The following RFX4 variants were observed in gnomAD, a reference collection of about 807,000 sequenced individuals.
RFX4 encodes regulatory factor X4.
In RFX4, 10 loss-of-function variants were observed where a neutral mutation model predicts 95.0. The ratio of observed to expected loss-of-function variants is 0.11; its 90% confidence interval spans 0.06 to 0.18. The LOEUF is 0.18. RFX4 is among the 10% of genes least tolerant of loss of function. The pLI is 1.00. For synonymous variants in RFX4, 321 were observed against 340.7 expected, an observed-to-expected ratio of 0.94 and a Z score of 0.64; for missense variants, 640 against 922.0, an observed-to-expected ratio of 0.69 and a Z score of 3.96.
chr12:106,691,192 T>A (rs1471246486), intron 7 of RFX4, among the ~76,000 whole-genome samples: 7 of 152,140 alleles, frequency 4.6e-5, no homozygotes, highest in Non-Finnish European at 8.8e-5. Context: ...AATGAAGATT[T>A]AAAAAAATCA....
At chr12:106,750,631 T>G (rs774223526) in intron 16 of RFX4, 24 bp from the exon 17 acceptor site, 3 of 1,572,776 alleles carry the variant, frequency 1.9e-6, no homozygotes, top group Non-Finnish European at 2.6e-6. Flanking sequence ...ACTCACACTA[T>G]TCAATGTGCT....
At chr12:106,651,400 G>C (rs2040854375) in intron 3 of RFX4, among the ~76,000 whole-genome samples, 1 of 152,260 alleles carries the variant, frequency 6.6e-6, no homozygotes, top group East Asian at 1.9e-4. Context: ...GGTCAAATGA[G>C]ACCATGGATA....
rs1419254474 is a variant in RFX4, at chr12:106,621,111, CA to C, written c.130+12229del. Among the ~76,000 whole-genome samples the C allele has an allele frequency of 2.6e-5, 4 of 152,284 alleles. No homozygotes were observed. The East Asian group carries it at 7.7e-4, about 29-fold the overall frequency. ...TTACCATCAATTTGTACAGTTAACA[CA>C]GTTATCACAGTGGTCCTGAGGTGAC... On this transcript the variant is annotated intron_variant, in intron 2 of 17. Coordinates refer to ENST00000392842, the MANE Select transcript of RFX4 (RefSeq NM_213594.3).
At chr12:106,741,106 G>C (rs2042796861) in intron 15 of RFX4, among the ~76,000 whole-genome samples, 2 of 152,126 alleles carry the variant, frequency 1.3e-5, no homozygotes, top group Non-Finnish European at 2.9e-5. Context: ...ATCAGATTTT[G>C]ACCATGGAAC....
chr12:106,610,097 C>G (rs1405523544), intron 2 of RFX4, among the ~76,000 whole-genome samples: 1 of 151,882 alleles, frequency 6.6e-6, no homozygotes, highest in Admixed American at 6.6e-5. Context: ...TTAGTTGTTT[C>G]AAGTTTTTGA....
At chr12:106,640,889 T>C (rs763408185) in intron 3 of RFX4, among the ~76,000 whole-genome samples, 10 of 151,200 alleles carry the variant, frequency 6.6e-5, no homozygotes, top group Non-Finnish European at 1.3e-4. Context: ...CAAGTGATCC[T>C]CTTACCTCAG....
At chr12:106,630,353 G>T (rs1398260952) in intron 2 of RFX4, among the ~76,000 whole-genome samples, 2 of 152,340 alleles carry the variant, frequency 1.3e-5, no homozygotes, top group Admixed American at 6.5e-5. Flanking sequence ...CTCGCTCCAA[G>T]ATTATGAAGG....
At chr12:106,739,389 T>A (rs2042767773) in intron 15 of RFX4, among the ~76,000 whole-genome samples, 2 of 152,062 alleles carry the variant, frequency 1.3e-5, no homozygotes, top group South Asian at 4.1e-4. Context: ...TTTTCAGCTG[T>A]GAAAAAGGAA....
At position 106,709,320 on chromosome 12, in the gene RFX4, C is replaced by A. The variant is rs540115063; in HGVS notation, c.834-10C>A. ...GTGCAGCACTTAAAACTCATCGTTT[C>A]TTTTTCTAGCTTAACTCAGGTGATT... is the stretch of plus-strand genomic sequence containing the variant. On this transcript the variant is annotated splice_polypyrimidine_tract_variant and intron_variant, in intron 8 of 17. Coordinates refer to ENST00000392842, the MANE Select transcript of RFX4 (RefSeq NM_213594.3). 5 of 1,612,174 alleles carry A rather than the reference C, an allele frequency of 3.1e-6. No homozygotes were observed. In the East Asian group the frequency reaches 1.1e-4, roughly 36 times the overall value.
At chr12:106,613,256 C>T (rs1030130829) in intron 2 of RFX4, among the ~76,000 whole-genome samples, 1 of 131,894 alleles carries the variant, frequency 7.6e-6, no homozygotes, top group East Asian at 2.3e-4. Flanking sequence ...TTTTGTATGC[C>T]AGACCATCCT....
In RFX4 at chr12:106,640,846, T is replaced by A. The variant is rs185657584; in HGVS notation, c.191+1454T>A. On this transcript the variant is annotated intron_variant, in intron 3 of 17. Transcript: ENST00000392842. The stretch of plus-strand genomic sequence containing the variant: ...CCCAGGCTGGAGTGCTGTGGCGTGA[T>A]TTTGGCTCACTGCAACCTCTACTTT... Among the ~76,000 whole-genome samples the A allele has an allele frequency of 2.0e-5, 3 of 150,496 alleles. No individual in the cohort carries two copies. In the East Asian group the frequency reaches 5.9e-4, roughly 29 times the overall value.
At chr12:106,758,609 A>G (rs1457698127) in intron 17 of RFX4, among the ~76,000 whole-genome samples, 1 of 152,228 alleles carries the variant, frequency 6.6e-6, no homozygotes, top group Non-Finnish European at 1.5e-5. Flanking sequence ...AGAACCAGCA[A>G]GCTGAGGCCA....
chr12:106,639,200 G>A lies in RFX4; in HGVS notation c.131-132G>A, dbSNP rs1592881946. The A allele has an allele frequency of 3.4e-5, 24 of 714,762 alleles. No homozygotes were observed. In the East Asian group the frequency reaches 6.6e-4, roughly 20 times the overall value. The allele number at this position is 714,762 out of a possible 1,614,324, so 44.3% of individuals were successfully genotyped here. On this transcript the variant is annotated intron_variant, in intron 2 of 17. Coordinates refer to ENST00000392842, the MANE Select transcript of RFX4 (RefSeq NM_213594.3). ...ATGATGAGTCTAACATGTTGGAAAA[G>A]CCAAAATATTGTTTCAAAGCATCAA...
Position 106,743,949 on chromosome 12 carries a change from A to G in RFX4, c.1634-3488A>G, listed in dbSNP as rs144662015. ...TCCAACTCTAAACTTTGTTTAATGT[A>G]TTAATGTTTTTCTTTTTACGGAGGC... On this transcript the variant is annotated intron_variant, in intron 15 of 17. Coordinates refer to ENST00000392842, the MANE Select transcript of RFX4 (RefSeq NM_213594.3). Among the ~76,000 whole-genome samples the G allele has an allele frequency of 4.0e-4, 61 of 152,312 alleles. 1 individual carries two copies. In the South Asian group the frequency reaches 0.012, roughly 31 times the overall value.
chr12:106,681,327 C>G (rs936572523), intron 4 of RFX4, among the ~76,000 whole-genome samples: 3 of 152,158 alleles, frequency 2.0e-5, no homozygotes, highest in Non-Finnish European at 2.9e-5. Flanking sequence ...AACAAGATAA[C>G]TTCAGATAGT....
At chr12:106,695,523 C>T (rs562944858) in intron 7 of RFX4, among the ~76,000 whole-genome samples, 1 of 152,282 alleles carries the variant, frequency 6.6e-6, no homozygotes, top group African/African-American at 2.4e-5. Context: ...AACAATGTGG[C>T]TCAAGTTCCT....
chr12:106,647,139 G>C (rs936808987), intron 3 of RFX4, among the ~76,000 whole-genome samples: 1 of 152,080 alleles, frequency 6.6e-6, no homozygotes, highest in African/African-American at 2.4e-5. Flanking sequence ...TTTCTTAAAG[G>C]CTGGGGCAAG....
chr12:106,610,705 A>G (rs2039942711), intron 2 of RFX4, among the ~76,000 whole-genome samples: 1 of 152,232 alleles, frequency 6.6e-6, no homozygotes, highest in Non-Finnish European at 1.5e-5. Context: ...TTCTTTATCC[A>G]TTAAGACATT....
In RFX4 at chr12:106,608,780, CTTTTT is replaced by C; in HGVS notation, c.44-7_44-3del. The C allele has an allele frequency of 7.0e-7, 1 of 1,421,312 alleles. No individual in the cohort carries two copies. Among genetic ancestry groups the C allele is most frequent in the Non-Finnish European group, 9.4e-7 (1 of 1,058,882 alleles). 88.0% of individuals were successfully genotyped at this position (1,421,312 alleles called of 1,614,324 possible). ...TTCTTTTTCTTTTCTTTCTTTCTTT[CTTTTT>C]TTTTTTTTTAGAGAGCTGGATTGAA... On this transcript the variant is annotated splice_polypyrimidine_tract_variant and intron_variant, in intron 1 of 17. Transcript: ENST00000392842.
Sources: allele counts gnomAD v4.1 joint callset (sites outside exome capture counted in the v4.1 genomes callset), GRCh38; gene constraint gnomAD v4.1.1; transcripts MANE v1.5; gene names NCBI Gene and HGNC (gene_info 2026-07-23, HGNC 2026-07-21).